Variants in ZNF423 observed in about 807,000 individuals in gnomAD.
ZNF423 encodes the protein Ebf-associated zinc finger protein.
ZNF423 carries 12 observed loss-of-function variants against 95.8 expected under a neutral mutation model. The observed-to-expected ratio is 0.13, with a 90% CI of 0.08 to 0.20. ZNF423 has a LOEUF of 0.20. Ranked by LOEUF, ZNF423 falls within the 10% of genes least tolerant of loss-of-function variation. The pLI, the probability that ZNF423 is intolerant of heterozygous loss-of-function variation, is 1.00. For synonymous variants in ZNF423, 749 were observed against 711.9 expected (o/e 1.05, Z -0.83); for missense variants, 1,316 against 1,737.1 (o/e 0.76, Z 4.31).
intron 3 of ZNF423, among the ~76,000 whole-genome samples, chr16:49,707,530 T>C (rs139732344): frequency 1.1e-3 from 171 of 149,662 alleles, no homozygotes; most frequent in African/African-American, 3.8e-3. Context: ...GGCAGGAGAA[T>C]CATTTGAACC....
At chr16:49,812,697 G>T (rs2034773060) in intron 1 of ZNF423, among the ~76,000 whole-genome samples, 1 of 152,132 alleles carries the variant, frequency 6.6e-6, no homozygotes, top group Non-Finnish European at 1.5e-5. Context: ...CTAAATAAAT[G>T]AATAAATAAA....
At chr16:49,699,480 C>T (rs1203283210) in intron 3 of ZNF423, among the ~76,000 whole-genome samples, 1 of 152,196 alleles carries the variant, frequency 6.6e-6, no homozygotes, top group African/African-American at 2.4e-5. Context: ...AAGGCTCCTC[C>T]CACACCGTCC....
chr16:49,658,443 AAATCTAC>A (rs2030009476), intron 3 of ZNF423, among the ~76,000 whole-genome samples: 1 of 152,242 alleles, frequency 6.6e-6, no homozygotes, highest in African/African-American at 2.4e-5. Context: ...AAACTCATCC[AAATCTAC>A]AACACGACAG....
chr16:49,623,059 G>C (rs1056238290), intron 5 of ZNF423, among the ~76,000 whole-genome samples: 5 of 152,120 alleles, frequency 3.3e-5, no homozygotes, highest in Non-Finnish European at 7.4e-5. Context: ...GGCAGGTAGG[G>C]AGTGCAGGTT....
intron 1 of ZNF423, among the ~76,000 whole-genome samples, chr16:49,805,871 G>A (rs4785358): frequency 0.13 from 19,245 of 152,258 alleles, 1,243 homozygotes; most frequent in East Asian, 0.23. Flanking sequence ...CGAGCAACAC[G>A]AAATAGGATG....
chr16:49,618,940 T>C (rs925676516), intron 5 of ZNF423, among the ~76,000 whole-genome samples: 10 of 152,176 alleles, frequency 6.6e-5, no homozygotes, highest in African/African-American at 2.4e-4. Context: ...TCACCTACTC[T>C]ACCTCATCCC....
intron 2 of ZNF423, among the ~76,000 whole-genome samples, chr16:49,738,788 C>G (rs902718992): frequency 7.2e-5 from 11 of 152,030 alleles, no homozygotes; most frequent in Admixed American, 2.0e-4. Flanking sequence ...CCTCTCACTT[C>G]TTCTCCCAAT....
chr16:49,531,780 G>A (rs1968854085), intron 5 of ZNF423, among the ~76,000 whole-genome samples: 1 of 152,162 alleles, frequency 6.6e-6, no homozygotes, highest in Admixed American at 6.5e-5. Context: ...GGGAGCAGGT[G>A]AGTGGTGATG....
chr16:49,761,062 ACACATG>A (rs932222568), intron 2 of ZNF423, among the ~76,000 whole-genome samples: 1 of 151,486 alleles, frequency 6.6e-6, no homozygotes, highest in Admixed American at 6.6e-5. Context: ...GCACACACAC[ACACATG>A]CACACACACA....
chr16:49,493,636 C>T (rs1427474641), intron 7 of ZNF423, among the ~76,000 whole-genome samples: 2 of 152,190 alleles, frequency 1.3e-5, no homozygotes, highest in African/African-American at 4.8e-5. Flanking sequence ...ACATGGACAG[C>T]TCTTTCTTGT....
rs1479050557 is a variant in ZNF423 at position 49,852,292 on chromosome 16, C to G, written c.40+3443G>C. ...CCTGAGCGCTAATTAATATTAAGAA[C>G]TGTAATTAACAGGCAGTTGCTAGAG... On this transcript the variant is annotated intron_variant, in intron 1 of 7. Coordinates refer to ENST00000563137, the MANE Select transcript of ZNF423 (RefSeq NM_001379286.1). Among the ~76,000 whole-genome samples, 3 of 152,126 alleles carry G rather than the reference C, an allele frequency of 2.0e-5. 1 individual carries two copies. Among genetic ancestry groups the G allele is most frequent in the Admixed American group, 2.0e-4 (3 of 15,266 alleles).
At chr16:49,789,345 G>A (rs532129101) in intron 2 of ZNF423, 142 bp downstream of exon 2, 47 of 665,276 alleles carry the variant, frequency 7.1e-5, no homozygotes, top group Non-Finnish European at 1.2e-4. Context: ...TATAAAAATC[G>A]TGTTGCATGG....
chr16:49,491,584 C>CG (rs1464197686), intron 7 of ZNF423, among the ~76,000 whole-genome samples: 9 of 144,930 alleles, frequency 6.2e-5, no homozygotes, highest in African/African-American at 2.1e-4. Context: ...CAGGTCTTAC[C>CG]GGGGGGACTG....
intron 1 of ZNF423, among the ~76,000 whole-genome samples, chr16:49,796,703 C>G (rs559756204): frequency 3.2e-4 from 49 of 152,214 alleles, no homozygotes; most frequent in African/African-American, 1.0e-3. Context: ...CTAGTAGGGC[C>G]AGGGAAGAAC....
intron 1 of ZNF423, among the ~76,000 whole-genome samples, chr16:49,802,097 C>A (rs527995561): frequency 1.3e-5 from 2 of 152,322 alleles, no homozygotes; most frequent in Admixed American, 1.3e-4. Flanking sequence ...ATCCTCCCGC[C>A]TCAGCCTCCC....
At chr16:49,644,686 A>AAC (rs1567528959) in intron 3 of ZNF423, among the ~76,000 whole-genome samples, 1 of 121,596 alleles carries the variant, frequency 8.2e-6, no homozygotes, top group African/African-American at 3.4e-5. Flanking sequence ...AAAAAAAAAA[A>AAC]AAAAAAAAAA....
chr16:49,622,553 T>A (rs1972119520), intron 5 of ZNF423, among the ~76,000 whole-genome samples: 2 of 152,204 alleles, frequency 1.3e-5, no homozygotes, highest in African/African-American at 4.8e-5. Flanking sequence ...CTCTTCATCC[T>A]TCAATGCCCA....
At chr16:49,721,770 C>T (rs1424564650) in intron 3 of ZNF423, among the ~76,000 whole-genome samples, 1 of 152,196 alleles carries the variant, frequency 6.6e-6, no homozygotes, top group Non-Finnish European at 1.5e-5. Context: ...AAAACCTCCT[C>T]CACTTTGGAG....
intron 5 of ZNF423, among the ~76,000 whole-genome samples, chr16:49,580,630 G>A (rs1466626697): frequency 6.6e-6 from 1 of 152,174 alleles, no homozygotes; most frequent in East Asian, 1.9e-4. Flanking sequence ...CTTCCAACCT[G>A]TGATGCATAT....
Sources: gnomAD v4.1 joint callset for allele counts (sites outside exome capture counted in the v4.1 genomes callset) on GRCh38, gnomAD v4.1.1 for gene constraint, MANE v1.5 for transcripts, NCBI Gene and HGNC (gene_info 2026-07-23, HGNC 2026-07-21) for gene names.